Variants in GPC5 observed in about 807,000 individuals in gnomAD.
GPC5 encodes the protein glypican-5.
Under a neutral mutation model 53.9 loss-of-function variants are expected in GPC5, and 47 were observed. The ratio of observed to expected loss-of-function variants is 0.87; its 90% CI spans 0.69 to 1.11. The LOEUF is 1.11. Ranked by LOEUF, GPC5 falls within the 50% of genes most tolerant of loss-of-function variation. The pLI is 0.00. For synonymous variants in GPC5, 286 were observed against 263.3 expected (o/e 1.09, Z -0.84); for missense variants, 748 against 713.1 (o/e 1.05, Z -0.56).
intron 1 of GPC5, among the ~76,000 whole-genome samples, chr13:91,413,085 C>A (rs904265770): frequency 1.3e-5 from 2 of 152,098 alleles, no homozygotes; most frequent in African/African-American, 4.8e-5. Flanking sequence ...AGTTCAAGAC[C>A]AGCCTGGGCA....
chr13:91,681,604 G>A lies in GPC5; in HGVS notation c.326-11583G>A, dbSNP rs373680792. Among the ~76,000 whole-genome samples the A allele has an allele frequency of 1.7e-4, 26 of 152,204 alleles. No individual in the cohort carries two copies. In the East Asian group the frequency reaches 1.7e-3, roughly 10 times the overall value. ...TTTCTCCTATATTATCTTTTGACAT[G>A]GACTTTTTCTTTGGCAGGGGAAAGA... On this transcript the variant is annotated intron_variant, in intron 2 of 7. Transcript: ENST00000377067.
intron 2 of GPC5, among the ~76,000 whole-genome samples, chr13:91,531,098 G>T (rs1272407686): frequency 6.6e-6 from 1 of 152,164 alleles, no homozygotes; most frequent in African/African-American, 2.4e-5. Flanking sequence ...ATTGGCTCCA[G>T]CTCTGAAGCA....
chr13:91,897,852 C>T (rs2039459672), intron 5 of GPC5, among the ~76,000 whole-genome samples: 1 of 152,148 alleles, frequency 6.6e-6, no homozygotes, highest in Non-Finnish European at 1.5e-5. Context: ...CTGTGTGGTG[C>T]AGTGCGACCA....
chr13:91,773,822 A>G (rs182002368), intron 5 of GPC5, among the ~76,000 whole-genome samples: 1 of 152,346 alleles, frequency 6.6e-6, no homozygotes, highest in Non-Finnish European at 1.5e-5. Flanking sequence ...CTCAAGATGC[A>G]TACACAAACC....
intron 7 of GPC5, among the ~76,000 whole-genome samples, chr13:92,440,910 C>T (rs1877526260): frequency 6.6e-6 from 1 of 152,036 alleles, no homozygotes; most frequent in Non-Finnish European, 1.5e-5. Flanking sequence ...TGTCCATGAC[C>T]TTTTGTTGAT....
intron 7 of GPC5, among the ~76,000 whole-genome samples, chr13:92,777,203 G>A (rs971157942): frequency 6.6e-6 from 1 of 151,418 alleles, no homozygotes; most frequent in Non-Finnish European, 1.5e-5. Flanking sequence ...GGGCATGGAG[G>A]TGCATGACTG....
At chr13:91,875,786 T>G (rs1446493364) in intron 5 of GPC5, among the ~76,000 whole-genome samples, 1 of 152,180 alleles carries the variant, frequency 6.6e-6, no homozygotes, top group Non-Finnish European at 1.5e-5. Flanking sequence ...CTCCATGTAT[T>G]TGTCACCCAG....
intron 1 of GPC5, among the ~76,000 whole-genome samples, chr13:91,441,638 T>C (rs1880438960): frequency 6.6e-6 from 1 of 152,246 alleles, no homozygotes; most frequent in Admixed American, 6.5e-5. Context: ...AGAGGCTGGC[T>C]AGCTCTCAGC....
intron 7 of GPC5, among the ~76,000 whole-genome samples, chr13:92,311,952 A>G (rs914475465): frequency 1.3e-5 from 2 of 152,146 alleles, no homozygotes; most frequent in African/African-American, 2.4e-5. Flanking sequence ...CCCTCGAAAG[A>G]GAAGGAGCAG....
intron 7 of GPC5, among the ~76,000 whole-genome samples, chr13:92,743,285 TG>T (rs1434856583): frequency 2.0e-5 from 3 of 152,168 alleles, no homozygotes; most frequent in Non-Finnish European, 2.9e-5. Flanking sequence ...TAGTTCTCCT[TG>T]AAGAGGTCCT....
At chr13:92,475,856 C>G (rs1879102023) in intron 7 of GPC5, among the ~76,000 whole-genome samples, 1 of 147,710 alleles carries the variant, frequency 6.8e-6, no homozygotes, top group African/African-American at 2.4e-5. Flanking sequence ...AAAGCTGAAA[C>G]TGGATCCCTT....
At chr13:92,852,560 T>C (rs1388779913) in intron 7 of GPC5, among the ~76,000 whole-genome samples, 2 of 152,102 alleles carry the variant, frequency 1.3e-5, no homozygotes, top group Admixed American at 1.3e-4. Context: ...TCCTTCCAGG[T>C]GGAAGCTTTT....
At chr13:92,621,623 CA>C (rs1367567336) in intron 7 of GPC5, among the ~76,000 whole-genome samples, 1 of 151,736 alleles carries the variant, frequency 6.6e-6, no homozygotes, top group Non-Finnish European at 1.5e-5. Context: ...AGCTCAAGAC[CA>C]GCCTGGCCAA....
chr13:92,493,241 G>C (rs1258372447), intron 7 of GPC5, among the ~76,000 whole-genome samples: 1 of 152,158 alleles, frequency 6.6e-6, no homozygotes, highest in Non-Finnish European at 1.5e-5. Context: ...ATTAAAGAGG[G>C]ACAAGCATTA....
chr13:92,465,607 A>G lies in GPC5; in HGVS notation c.1561+320618A>G, dbSNP rs527912678. On this transcript the variant is annotated intron_variant, in intron 7 of 7. Transcript: ENST00000377067. ...ACCATGTGTATATTTTTTTAATCCGAGGTGGATGGCCACATCATTTCCACA... is the reference window on the plus strand; with the variant it reads ...ACCATGTGTATATTTTTTTAATCCGGGGTGGATGGCCACATCATTTCCACA... Among the ~76,000 whole-genome samples the G allele has an allele frequency of 5.3e-5, 8 of 152,152 alleles. No homozygotes were observed. The South Asian group carries it at 1.2e-3, about 24-fold the overall frequency.
intron 7 of GPC5, among the ~76,000 whole-genome samples, chr13:92,413,567 G>A (rs1209363649): frequency 4.6e-5 from 7 of 152,172 alleles, no homozygotes; most frequent in Non-Finnish European, 7.3e-5. Context: ...TGAATTGGTG[G>A]AATGGGTGAG....
chr13:92,323,484 C>A (rs1376545581), intron 7 of GPC5, among the ~76,000 whole-genome samples: 1 of 151,336 alleles, frequency 6.6e-6, no homozygotes, highest in African/African-American at 2.4e-5. Context: ...TTTAAAAGAG[C>A]TGGCATGCTT....
chr13:92,347,912 A>ATATTATATATATATAC (rs1491384861), intron 7 of GPC5, among the ~76,000 whole-genome samples: 1 of 1,922 alleles, frequency 5.2e-4, no homozygotes, highest in Non-Finnish European at 8.3e-4. Context: ...ATATATATAT[A>ATATTATATATATATAC]ATATATATAT....
intron 1 of GPC5, among the ~76,000 whole-genome samples, chr13:91,407,746 T>G (rs1184510193): frequency 6.6e-6 from 1 of 152,182 alleles, no homozygotes; most frequent in Non-Finnish European, 1.5e-5. Flanking sequence ...GACTTGGAGT[T>G]CAGTCTCTAT....
Sources: gnomAD v4.1 joint callset for allele counts (sites outside exome capture counted in the v4.1 genomes callset) on GRCh38, gnomAD v4.1.1 for gene constraint, MANE v1.5 for transcripts, NCBI Gene and HGNC (gene_info 2026-07-23, HGNC 2026-07-21) for gene names.